The following JAK2 variants were observed in gnomAD, a reference collection of about 807,000 sequenced individuals.
JAK2 encodes the protein Janus kinase 2, also known as tyrosine-protein kinase JAK2.
JAK2 carries 86 observed loss-of-function variants against 139.3 expected under a neutral mutation model. The ratio of observed to expected loss-of-function variants is 0.62; its 90% CI spans 0.52 to 0.74. JAK2 has a LOEUF of 0.74. Ranked by LOEUF, JAK2 falls within the 30% of genes least tolerant of loss-of-function variation. JAK2 has a pLI of 0.00. For missense variants in JAK2, 1,421 were observed against 1,360.3 expected (o/e 1.04, Z -0.70); for synonymous variants, 490 against 437.7 (o/e 1.12, Z -1.49).
intron 16 of JAK2, 148 bp from the exon 17 acceptor site, chr9:5,080,081 A>C (rs1436130748): frequency 3.6e-6 from 2 of 548,246 alleles, no homozygotes; most frequent in African/African-American, 3.8e-5. Flanking sequence ...AAGCTTATGC[A>C]GTCATGTGCA....
At chr9:5,033,573 G>A (rs564204727) in intron 4 of JAK2, among the ~76,000 whole-genome samples, 86 of 152,306 alleles carry the variant, frequency 5.6e-4, no homozygotes, top group Non-Finnish European at 1.0e-3. Context: ...AGAAGAGAGT[G>A]GGGGCCAATA....
intron 22 of JAK2, among the ~76,000 whole-genome samples, chr9:5,093,973 A>G (rs889782246): frequency 1.3e-5 from 2 of 152,108 alleles, no homozygotes; most frequent in African/African-American, 4.8e-5. Context: ...CCCCCCATAA[A>G]TGATGCTATC....
At position 5,123,231 on chromosome 9, in the gene JAK2, A is replaced by G. The variant is rs549941059; in HGVS notation, c.3177+110A>G. 81 of 643,562 alleles carry G rather than the reference A, an allele frequency of 1.3e-4. No individual in the cohort carries two copies. In the African/African-American group the frequency reaches 1.4e-3, roughly 11 times the overall value. The allele number at this position is 643,562 out of a possible 1,614,324, so 39.9% of individuals were successfully genotyped here. ...ACATGCATACATTGCATAGTGGTGA[A>G]GTCAGAGCTTTTAGGGTATCCACCA... On this transcript the variant is annotated intron_variant, in intron 23 of 24. Transcript: ENST00000381652.
At chr9:5,089,924 A>G (rs1820444634) in intron 20 of JAK2, 61 bp downstream of exon 20, 2 of 1,152,014 alleles carry the variant, frequency 1.7e-6, no homozygotes, top group African/African-American at 1.6e-5. Context: ...CCTGTGTAAT[A>G]TAAATGTACA....
Position 5,050,643 on chromosome 9 carries a change from T to G in JAK2, c.469-43T>G. ...ATAATCATAGATTAAAACATGATAA[T>G]GAAACTTACGATGAGATATTTCCTT... On this transcript the variant is annotated intron_variant, in intron 5 of 24. Transcript: ENST00000381652. 7.0e-6 allele frequency: 11 copies of G among 1,562,386 alleles called. No homozygotes were observed. In the South Asian group the frequency reaches 1.2e-4, roughly 18 times the overall value.
chr9:5,120,929 T>C (rs1332027948), intron 22 of JAK2, among the ~76,000 whole-genome samples: 1 of 152,202 alleles, frequency 6.6e-6, no homozygotes, highest in Non-Finnish European at 1.5e-5. Flanking sequence ...CCTATAGATC[T>C]TTAATGTGGA....
At chr9:5,047,864 G>A (rs560490631) in intron 5 of JAK2, among the ~76,000 whole-genome samples, 70 of 152,138 alleles carry the variant, frequency 4.6e-4, no homozygotes, top group Non-Finnish European at 1.3e-4. Context: ...GCCTCCCAAA[G>A]TGCTGGGAGT....
chr9:5,041,647 A>G (rs1466530751), intron 4 of JAK2: 7 of 506,866 alleles, frequency 1.4e-5, no homozygotes, highest in African/African-American at 7.9e-5. Context: ...AAGCTCGACT[A>G]CGACTACCTG....
chr9:5,023,883 T>C (rs1822600029), intron 3 of JAK2, among the ~76,000 whole-genome samples: 1 of 149,770 alleles, frequency 6.7e-6, no homozygotes, highest in Non-Finnish European at 1.5e-5. Flanking sequence ...AGTAAGATTT[T>C]AGCTTGTAAG....
Position 5,126,712 on chromosome 9 carries a change from A to T in JAK2, c.3320A>T (p.Asn1107Ile). The change falls in exon 25 of 25, where the codon AAC becomes ATC. Residue 1107 changes from asparagine to isoleucine, a missense_variant. By Grantham distance (149) the Asn-to-Ile change is moderately radical. Coordinates refer to ENST00000381652, the MANE Select transcript of JAK2 (RefSeq NM_004972.4). ...EIYMIMTECW[N>I]NNVNQRPSFR... The stretch of plus-strand genomic sequence containing the variant: ...TATATGATCATGACAGAATGCTGGA[A>T]CAATAATGTAAATCAACGCCCCTCC... 1 of 1,610,700 alleles carries T rather than the reference A, an allele frequency of 6.2e-7. No homozygotes were observed. Among genetic ancestry groups the T allele is most frequent in the Non-Finnish European group, 8.5e-7 (1 of 1,177,494 alleles).
rs1337247004 is a variant in JAK2 at position 5,080,572 on chromosome 9, C to G, written c.2323C>G (p.Pro775Ala). Residue 775 changes from proline to alanine, a missense_variant, in exon 18 of 25, where the codon CCA becomes GCA. Pro to Ala is a conservative substitution (Grantham distance 27, BLOSUM62 -1). Coordinates refer to ENST00000381652, the MANE Select transcript of JAK2 (RefSeq NM_004972.4). The stretch of plus-strand genomic sequence containing the variant: ...TGAAGATAGGCATCAGCTTCCTGCA[C>G]CAAAGTGGGCAGAATTAGCAAACCT... ...FYEDRHQLPA[P>A]KWAELANLIN... 8 of 1,600,382 alleles carry G rather than the reference C, an allele frequency of 5.0e-6. No homozygotes were observed. The highest frequency in any genetic ancestry group is 5.9e-6 in the Non-Finnish European group (7 of 1,176,568).
At chr9:5,107,061 C>T (rs975819112) in intron 22 of JAK2, among the ~76,000 whole-genome samples, 2 of 152,100 alleles carry the variant, frequency 1.3e-5, no homozygotes, top group African/African-American at 4.8e-5. Flanking sequence ...TTACATCCAA[C>T]CAGCACTTTG....
chr9:5,114,563 C>A, intron 22 of JAK2: 1 of 489,272 alleles, frequency 2.0e-6, no homozygotes, highest in Admixed American at 2.3e-5. Context: ...CCTGCCTGAT[C>A]CAGAACTTCT....
At chr9:4,984,675 C>G (rs28662982), upstream of JAK2, 2 of 152,408 alleles carry the variant, frequency 1.3e-5, no homozygotes, top group Non-Finnish European at 2.9e-5. Context: ...AAGGAAAAGC[C>G]GAAAGCGGAG....
intron 3 of JAK2, among the ~76,000 whole-genome samples, chr9:5,022,793 T>G (rs1255913856): frequency 6.6e-6 from 1 of 152,228 alleles, no homozygotes; most frequent in Non-Finnish European, 1.5e-5. Flanking sequence ...CCACTGAGGT[T>G]ACTATAGAGC....
At chr9:5,101,748 C>T (rs1053181870) in intron 22 of JAK2, among the ~76,000 whole-genome samples, 4 of 152,144 alleles carry the variant, frequency 2.6e-5, no homozygotes, top group Admixed American at 6.5e-5. Context: ...CTGCAGATAC[C>T]GAGGCAAACA....
intron 13 of JAK2, among the ~76,000 whole-genome samples, chr9:5,073,168 C>G (rs1819084918): frequency 2.0e-5 from 3 of 152,206 alleles, no homozygotes; most frequent in South Asian, 4.1e-4. Flanking sequence ...AAGAGTTGTT[C>G]TAATCCAGAA....
chr9:5,077,397 A>G, intron 14 of JAK2, 56 bp from the exon 15 acceptor site: 1 of 581,172 alleles, frequency 1.7e-6, no homozygotes, highest in Non-Finnish European at 2.5e-6. Context: ...TAAATTACAT[A>G]TATTTAATTA....
In JAK2 at chr9:5,126,941, A is replaced by C. The variant is rs925471627; in HGVS notation, c.*150A>C. ...GTGAAAATATCTGCTCAAAACTTTC[A>C]AAGTTTAGTAAGTTTTTCTTCATGA... On this transcript the variant is annotated 3_prime_UTR_variant, in exon 25 of 25. Transcript: ENST00000381652. 37 of 424,652 alleles carry C rather than the reference A, an allele frequency of 8.7e-5. No individual in the cohort carries two copies. The highest frequency in any genetic ancestry group is 7.4e-4 in the African/African-American group (36 of 48,716). The allele number at this position is 424,652 out of a possible 1,614,324, so 26.3% of individuals were successfully genotyped here. A position where few individuals can be genotyped will look rare whatever the true frequency, so the allele number is the denominator to read the frequency against.
Sources: allele counts gnomAD v4.1 joint callset (sites outside exome capture counted in the v4.1 genomes callset), GRCh38; gene constraint gnomAD v4.1.1; transcripts MANE v1.5; gene names NCBI Gene and HGNC (gene_info 2026-07-23, HGNC 2026-07-21).